Variants in LRP1B observed in about 807,000 individuals in gnomAD.
The protein encoded by LRP1B is LDL receptor related protein 1B.
Under a neutral mutation model 556.6 loss-of-function variants are expected in LRP1B, and 217 were observed. The observed-to-expected ratio is 0.39, with a 90% CI of 0.35 to 0.44. The LOEUF (loss-of-function observed/expected upper bound fraction) is 0.44. LRP1B is among the 20% of genes least tolerant of loss of function. The pLI is 1.00. For missense variants in LRP1B, 5,053 were observed against 5,620.8 expected (o/e 0.90, Z 3.23); for synonymous variants, 2,047 against 1,865.8 (o/e 1.10, Z -2.50).
At chr2:141,906,701 A>G (rs1699769600) in intron 1 of LRP1B, among the ~76,000 whole-genome samples, 1 of 152,018 alleles carries the variant, frequency 6.6e-6, no homozygotes, top group Admixed American at 6.6e-5. Context: ...TAAGTGAAAC[A>G]GTTGATGTAA....
chr2:140,279,113 C>T (rs1249767023), intron 84 of LRP1B, among the ~76,000 whole-genome samples: 1 of 151,876 alleles, frequency 6.6e-6, no homozygotes, highest in African/African-American at 2.4e-5. Flanking sequence ...CTCTTTCTTT[C>T]TTGTCTTAAA....
chr2:140,534,090 T>A lies in LRP1B; in HGVS notation c.7693A>T (p.Ile2565Phe), dbSNP rs200449026. Residue 2565 changes from isoleucine (I) to phenylalanine (F), a missense_variant, in exon 47 of 91, where the codon ATT becomes TTT. By Grantham distance (21) the Ile-to-Phe change is conservative. Transcript: ENST00000389484. ...GFKPCYNRRC[I>F]PHGKLCDGEN... ...CCATCACATAACTTGCCATGAGGAA[T>A]GCAGCGGCGATTATAGCATGGCTTG... 1 of 1,613,448 alleles carries A rather than the reference T, an allele frequency of 6.2e-7. No homozygotes were observed. The highest frequency in any genetic ancestry group is 8.5e-7 in the Non-Finnish European group (1 of 1,179,540).
At chr2:141,827,756 T>A (rs939586287) in intron 1 of LRP1B, among the ~76,000 whole-genome samples, 3 of 152,214 alleles carry the variant, frequency 2.0e-5, no homozygotes, top group Non-Finnish European at 2.9e-5. Context: ...ATCCTAAAGA[T>A]AGAATTCATT....
At chr2:140,303,637 AT>A (rs1196690766) in intron 83 of LRP1B, among the ~76,000 whole-genome samples, 10 of 152,136 alleles carry the variant, frequency 6.6e-5, no homozygotes, top group African/African-American at 2.4e-4. Context: ...CTAATCTTCT[AT>A]AAAAAATATT....
intron 3 of LRP1B, among the ~76,000 whole-genome samples, chr2:141,304,760 C>T (rs1686524998): frequency 6.6e-6 from 1 of 151,940 alleles, no homozygotes; most frequent in Non-Finnish European, 1.5e-5. Flanking sequence ...CTCAGCCTCC[C>T]AAAGTTCTGG....
chr2:140,457,782 G>A (rs1687162963), intron 60 of LRP1B, 131 bp from the exon 61 acceptor site: 6 of 680,774 alleles, frequency 8.8e-6, no homozygotes, highest in African/African-American at 7.2e-5. Flanking sequence ...CAACCTGTCA[G>A]GCCAGCAAAG....
At chr2:141,550,461 C>G (rs1685711086) in intron 2 of LRP1B, among the ~76,000 whole-genome samples, 1 of 152,060 alleles carries the variant, frequency 6.6e-6, no homozygotes, top group Non-Finnish European at 1.5e-5. Context: ...GTGTCCAATG[C>G]AAATTGATTT....
chr2:140,709,944 G>A (rs894467316), intron 37 of LRP1B, among the ~76,000 whole-genome samples: 5 of 151,876 alleles, frequency 3.3e-5, no homozygotes, highest in Admixed American at 1.3e-4. Context: ...TTTCCAAGCC[G>A]TAATAAATAT....
chr2:140,564,473 G>A (rs963873639), intron 43 of LRP1B, among the ~76,000 whole-genome samples: 1 of 151,982 alleles, frequency 6.6e-6, no homozygotes, highest in African/African-American at 2.4e-5. Flanking sequence ...CATTTATCAA[G>A]TTTATTTTCA....
intron 32 of LRP1B, among the ~76,000 whole-genome samples, chr2:140,792,998 G>T (rs1690176210): frequency 6.6e-6 from 1 of 151,908 alleles, no homozygotes; most frequent in Admixed American, 6.6e-5. Context: ...ATATCTATAA[G>T]CATACAGTAT....
chr2:141,329,386 CAAA>C (rs3038417), intron 3 of LRP1B, among the ~76,000 whole-genome samples: 10 of 111,702 alleles, frequency 9.0e-5, no homozygotes, highest in African/African-American at 1.4e-4. Context: ...AAAACTCCGT[CAAA>C]AAAAAAAAAA....
At chr2:140,487,232 C>T (rs1464512176) in intron 58 of LRP1B, among the ~76,000 whole-genome samples, 1 of 151,826 alleles carries the variant, frequency 6.6e-6, no homozygotes, top group Admixed American at 6.6e-5. Flanking sequence ...TAATTTCAAT[C>T]CACACTGTAA....
Position 141,830,204 on chromosome 2 carries a change from A to G in LRP1B, c.83-19803T>C, listed in dbSNP as rs568456274. On this transcript the variant is annotated intron_variant, in intron 1 of 90. Coordinates refer to ENST00000389484, the MANE Select transcript of LRP1B (RefSeq NM_018557.3). ...TTAGAAATTTCTCCTTAAGCAGACT[A>G]CTTATAGAAGAAAATAGAATAAAAA... is the stretch of plus-strand genomic sequence containing the variant. Among the ~76,000 whole-genome samples the G allele has an allele frequency of 1.2e-4, 18 of 152,004 alleles. No homozygotes were observed. In the East Asian group the frequency reaches 3.3e-3, roughly 28 times the overall value.
chr2:141,281,253 C>T (rs1464808701), intron 3 of LRP1B, among the ~76,000 whole-genome samples: 2 of 151,970 alleles, frequency 1.3e-5, no homozygotes, highest in Non-Finnish European at 2.9e-5. Flanking sequence ...TTTTATCTTA[C>T]ATTAGTATGT....
chr2:140,877,989 C>T (rs967360267), intron 25 of LRP1B, among the ~76,000 whole-genome samples: 4 of 152,080 alleles, frequency 2.6e-5, no homozygotes, highest in African/African-American at 9.7e-5. Flanking sequence ...ATTTTAGTTT[C>T]AAGGCTTTCA....
intron 2 of LRP1B, among the ~76,000 whole-genome samples, chr2:141,647,437 G>T (rs968866628): frequency 2.6e-5 from 4 of 152,074 alleles, no homozygotes; most frequent in Non-Finnish European, 5.9e-5. Context: ...CAGTTTAAGG[G>T]CTTCCTTGAC....
chr2:140,578,511 C>G (rs1396744895), intron 43 of LRP1B, among the ~76,000 whole-genome samples: 4 of 152,334 alleles, frequency 2.6e-5, no homozygotes, highest in South Asian at 2.1e-4. Flanking sequence ...GATCCCTGCT[C>G]AAGGCCTTTG....
intron 60 of LRP1B, among the ~76,000 whole-genome samples, chr2:140,469,731 T>G (rs1687688326): frequency 6.6e-6 from 1 of 152,212 alleles, no homozygotes; most frequent in African/African-American, 2.4e-5. Flanking sequence ...TATTAGAGGC[T>G]CTAACAAGTA....
At position 140,903,158 on chromosome 2, in the gene LRP1B, A is replaced by G. The variant is rs370546332; in HGVS notation, c.3528T>C (p.Cys1176=). ...GSDEGYLCDE[C]SLNNGGCSNH... ...TGCTACAGCCTCCATTGTTCAGCGA[A>G]CACTCATCTATAAAAAGGGGGGAAC... The change falls in exon 23 of 91, where the codon TGT becomes TGC. Residue 1176 remains cysteine (C), a synonymous_variant. Transcript: ENST00000389484. 167 of 1,612,866 alleles carry G rather than the reference A, an allele frequency of 1.0e-4. No individual in the cohort carries two copies. The highest frequency in any genetic ancestry group is 1.4e-4 in the Non-Finnish European group (160 of 1,179,492).
Sources: allele counts gnomAD v4.1 joint callset (sites outside exome capture counted in the v4.1 genomes callset), GRCh38; gene constraint gnomAD v4.1.1; transcripts MANE v1.5; gene names NCBI Gene and HGNC (gene_info 2026-07-23, HGNC 2026-07-21).